CHD5: variants seen among roughly 807,000 people sequenced by gnomAD.
The protein encoded by CHD5 is ATP-dependent chromatin remodeler CHD5.
A neutral mutation model predicts 230.3 loss-of-function variants in CHD5; 69 were observed. That is an observed-to-expected ratio of 0.30 (90% CI 0.25 to 0.37). The LOEUF is 0.37. CHD5 is among the 10% of genes least tolerant of loss of function. The pLI, the probability that CHD5 is intolerant of heterozygous loss-of-function variation, is 1.00. For synonymous variants in CHD5, 1,064 were observed against 1,065.9 expected (o/e 1.00, Z 0.03); for missense variants, 1,827 against 2,622.8 (o/e 0.70, Z 6.63).
chr1:6,179,930 C>A lies in CHD5; in HGVS notation c.79+15G>T. 1 of 1,298,466 alleles carries A rather than the reference C, an allele frequency of 7.7e-7. No individual in the cohort carries two copies. Among genetic ancestry groups the A allele is most frequent in the African/African-American group, 1.6e-5 (1 of 63,672 alleles). The allele number at this position is 1,298,466 out of a possible 1,614,324, so 80.4% of individuals were successfully genotyped here. On this transcript the variant is annotated intron_variant, in intron 1 of 41. Coordinates refer to ENST00000262450, the MANE Select transcript of CHD5 (RefSeq NM_015557.3). Reference sequence around the variant, plus strand: ...CCCGCCGCTCTGGCCCCAGGCGCACCCGCGCCCCGCTCACCTGACATCTCG... The same window carrying A: ...CCCGCCGCTCTGGCCCCAGGCGCACACGCGCCCCGCTCACCTGACATCTCG...
intron 33 of CHD5, among the ~76,000 whole-genome samples, chr1:6,115,156 C>CA (rs1430278231): frequency 6.6e-6 from 1 of 150,860 alleles, no homozygotes; most frequent in Non-Finnish European, 1.5e-5. Context: ...ACTAAAAATA[C>CA]AAAAAATTAG....
intron 1 of CHD5, among the ~76,000 whole-genome samples, chr1:6,169,702 C>G (rs1667306810): frequency 6.6e-6 from 1 of 152,202 alleles, no homozygotes; most frequent in Admixed American, 6.5e-5. Context: ...AAGGAGGCTT[C>G]CAGAAGGGAA....
Position 6,136,833 on chromosome 1 carries a change from G to A in CHD5, c.2469C>T (p.Leu823=). 6.2e-7 allele frequency: 1 copy of A among 1,611,908 alleles called. No homozygotes were observed. Among genetic ancestry groups the A allele is most frequent in the Non-Finnish European group, 8.5e-7 (1 of 1,178,454 alleles). ...CAATGGTGATGAGCTCATAGGAGGT[G>A]AGCAGCACGTGGAATTTGATCTGCA... The part of the protein sequence containing the change: ...KEVQIKFHVL[L]TSYELITIDQ... Residue 823 remains leucine, a synonymous_variant, in exon 16 of 42, where the codon CTC becomes CTT. Transcript: ENST00000262450.
intron 15 of CHD5, among the ~76,000 whole-genome samples, chr1:6,140,053 T>C (rs1666803968): frequency 6.6e-6 from 1 of 152,168 alleles, no homozygotes; most frequent in African/African-American, 2.4e-5. Flanking sequence ...CACTGACATC[T>C]TCTAGGGGCC....
Position 6,152,669 on chromosome 1 carries a change from G to T in CHD5, c.746-133C>A, listed in dbSNP as rs575998139. On this transcript the variant is annotated intron_variant, in intron 5 of 41. Coordinates refer to ENST00000262450, the MANE Select transcript of CHD5 (RefSeq NM_015557.3). ...ACCATCACCCCGTTTCAGATGAGAT[G>T]CCTGAGGCTTGGAGAGGTAAACCCC... 2.1e-6 allele frequency: 3 copies of T among 1,444,186 alleles called. No individual in the cohort carries two copies. In the African/African-American group the frequency reaches 4.2e-5, roughly 20 times the overall value. The allele number at this position is 1,444,186 out of a possible 1,614,324, so 89.5% of individuals were successfully genotyped here.
At chr1:6,116,224 C>T (rs1036946393) in intron 33 of CHD5, among the ~76,000 whole-genome samples, 2 of 152,170 alleles carry the variant, frequency 1.3e-5, no homozygotes, top group African/African-American at 4.8e-5. Context: ...CAGCATCTGA[C>T]ACTCAGCAGG....
At chr1:6,113,340 C>A in intron 33 of CHD5, 1 of 446,072 alleles carries the variant, frequency 2.2e-6, no homozygotes. Context: ...GGGAGGGTCG[C>A]TTGAGCCGAG....
Position 6,128,676 on chromosome 1 carries a change from C to T in CHD5, c.3620-67G>A. On this transcript the variant is annotated intron_variant, in intron 23 of 41. Coordinates refer to ENST00000262450, the MANE Select transcript of CHD5 (RefSeq NM_015557.3). The surrounding 1 kb of genome is among the most constrained non-coding windows in gnomAD (Gnocchi z 7.8). Reference sequence around the variant, plus strand: ...GGGCTGCAGGGTTGGCGGGCAGTGCCCAGAGACACCACCCTGGGCTGTCCT... The same window carrying T: ...GGGCTGCAGGGTTGGCGGGCAGTGCTCAGAGACACCACCCTGGGCTGTCCT... 1.5e-6 allele frequency: 2 copies of T among 1,378,052 alleles called. No individual in the cohort carries two copies. The highest frequency in any genetic ancestry group is 2.3e-5 in the South Asian group (2 of 85,118). The allele number at this position is 1,378,052 out of a possible 1,614,324, so 85.4% of individuals were successfully genotyped here. A position where few individuals can be genotyped will look rare whatever the true frequency, so the allele number is the denominator to read the frequency against.
chr1:6,114,424 C>A (rs1426152239), intron 33 of CHD5, among the ~76,000 whole-genome samples: 1 of 151,986 alleles, frequency 6.6e-6, no homozygotes, highest in African/African-American at 2.4e-5. Flanking sequence ...CTGGGCCACA[C>A]TGGAAGAAGA....
In CHD5 at chr1:6,131,731, G is replaced by A. The variant is rs1404887650; in HGVS notation, c.3162C>T (p.Asp1054=). ...LIFSQMTKML[D]LLEDFLEYEG... is the part of the protein sequence containing the mutation. ...CGTACTCCAGGAAGTCCTCCAGGAG[G>A]TCCAGCATCTTGGTCATCTGCAGGG... The change falls in exon 21 of 42, where the codon GAC becomes GAT. Residue 1054 remains aspartate (D), a synonymous_variant. Transcript: ENST00000262450. This position sits in a 1 kb window ranked among gnomAD's most constrained non-coding sequence, Gnocchi z 5.0. 14 of 1,612,048 alleles carry A rather than the reference G, an allele frequency of 8.7e-6. No homozygotes were observed. The highest frequency in any genetic ancestry group is 1.2e-5 in the Non-Finnish European group (14 of 1,178,314).
At chr1:6,150,990 T>A (rs748815393) in intron 7 of CHD5, 42 bp downstream of exon 7, 1 of 1,472,482 alleles carries the variant, frequency 6.8e-7, no homozygotes, top group African/African-American at 1.4e-5. Context: ...CCCCACTACA[T>A]CCACCCAGCA....
chr1:6,124,338 A>G, intron 30 of CHD5, among the ~76,000 whole-genome samples, 179 bp downstream of exon 30: 1 of 52,776 alleles, frequency 1.9e-5, no homozygotes, highest in South Asian at 6.1e-4. Flanking sequence ...CCTGGCCTCC[A>G]CCCCACAGGC....
chr1:6,139,436 C>T (rs1182433745), intron 15 of CHD5, among the ~76,000 whole-genome samples: 1 of 151,984 alleles, frequency 6.6e-6, no homozygotes, highest in African/African-American at 2.4e-5. Context: ...AGGGTTTCAC[C>T]GTGTTGGCCA....
intron 2 of CHD5, among the ~76,000 whole-genome samples, chr1:6,165,193 C>T (rs1480331503): frequency 6.6e-6 from 1 of 152,098 alleles, no homozygotes; most frequent in Non-Finnish European, 1.5e-5. Context: ...ACCCCCTGGC[C>T]CCCAGCCCCC....
At chr1:6,159,787 G>A (rs1176274819) in intron 2 of CHD5, among the ~76,000 whole-genome samples, 1 of 152,252 alleles carries the variant, frequency 6.6e-6, no homozygotes, top group African/African-American at 2.4e-5. Context: ...TGAGGCTCTC[G>A]TGAGAGCAGG....
rs766353310 is a variant in CHD5, at chr1:6,125,895, G to A, written c.4079-37C>T. On this transcript the variant is annotated intron_variant, in intron 26 of 41. Coordinates refer to ENST00000262450, the MANE Select transcript of CHD5 (RefSeq NM_015557.3). This position sits in a 1 kb window ranked among gnomAD's most constrained non-coding sequence, Gnocchi z 6.7. The stretch of plus-strand genomic sequence containing the variant: ...CAGACAGAGGGGCACGGAGTGAGCT[G>A]TACAAGCAAAGCCCACCCTCAAGTT... 2.6e-6 allele frequency: 4 copies of A among 1,526,212 alleles called. No homozygotes were observed. The highest frequency in any genetic ancestry group is 1.4e-5 in the African/African-American group (1 of 73,350). 94.5% of individuals were successfully genotyped at this position (1,526,212 alleles called of 1,614,324 possible).
chr1:6,139,562 CAG>C (rs1207891008), intron 15 of CHD5, among the ~76,000 whole-genome samples: 2 of 146,980 alleles, frequency 1.4e-5, no homozygotes, highest in South Asian at 2.2e-4. Flanking sequence ...TTTAAAGAGA[CAG>C]AGTCTCATTA....
At chr1:6,106,564 A>C in intron 39 of CHD5, 52 bp downstream of exon 39, 3 of 1,550,098 alleles carry the variant, frequency 1.9e-6, no homozygotes, top group Non-Finnish European at 1.7e-6. Flanking sequence ...CCCAGCCTCC[A>C]CCCAGGGGCA....
chr1:6,162,003 C>A (rs1667186789), intron 2 of CHD5, among the ~76,000 whole-genome samples: 1 of 152,180 alleles, frequency 6.6e-6, no homozygotes, highest in Non-Finnish European at 1.5e-5. Flanking sequence ...TGAGACTTGG[C>A]CAAGTCACTG....
Sources: gnomAD v4.1 joint callset for allele counts (sites outside exome capture counted in the v4.1 genomes callset) on GRCh38, gnomAD v4.1.1 for gene constraint, Gnocchi (gnomAD v3.1) non-coding constraint, MANE v1.5 for transcripts, NCBI Gene and HGNC (gene_info 2026-07-23, HGNC 2026-07-21) for gene names.